The following TOR1AIP2 variants were observed in gnomAD, a reference collection of about 807,000 sequenced individuals.
TOR1AIP2 encodes torsin 1A interacting protein 2.
In TOR1AIP2, 20 loss-of-function variants were observed where a neutral mutation model predicts 32.6. The ratio of observed to expected loss-of-function variants is 0.61; its 90% CI spans 0.43 to 0.89. The LOEUF (loss-of-function observed/expected upper bound fraction) is 0.89. TOR1AIP2 is among the 40% of genes least tolerant of loss of function. TOR1AIP2 has a pLI of 0.00. For missense variants in TOR1AIP2, 456 were observed against 553.8 expected (o/e 0.82, Z 1.77); for synonymous variants, 214 against 210.8 (o/e 1.02, Z -0.13).
rs1252136885 is a variant in TOR1AIP2 at position 179,842,706 on chromosome 1, A to T, written c.*3365T>A. ...AAATAAGCAAATTATCTTTGACAAT[A>T]AAAGACGAATTACTAGACACACAAA... On this transcript the variant is annotated 3_prime_UTR_variant, in exon 7 of 7. Transcript: ENST00000609928. The T allele has an allele frequency of 1.3e-5, 2 of 152,238 alleles. No individual in the cohort carries two copies. Among genetic ancestry groups the T allele is most frequent in the Non-Finnish European group, 2.9e-5 (2 of 68,048 alleles). The allele number at this position is 152,238 out of a possible 1,614,324, so 9.4% of individuals were successfully genotyped here.
chr1:179,877,764 A>C lies in TOR1AIP2; in HGVS notation c.-772T>G, dbSNP rs980990138. 6.6e-6 allele frequency: 1 copy of C among 152,194 alleles called. No individual in the cohort carries two copies. The highest frequency in any genetic ancestry group is 2.4e-5 in the African/African-American group (1 of 41,444). 9.4% of individuals were successfully genotyped at this position (152,194 alleles called of 1,614,324 possible). ...GCCCTTCGAGTATTCTCTCCGCTCC[A>C]CACCGCTCGGCTGCACCCAGCGGCC... On this transcript the variant is annotated 5_prime_UTR_variant, in exon 1 of 7. Transcript: ENST00000609928.
At chr1:179,863,319 T>C (rs1696631012) in intron 3 of TOR1AIP2, 2 of 984,894 alleles carry the variant, frequency 2.0e-6, no homozygotes, top group Non-Finnish European at 1.2e-6. Context: ...TTGCCAAGGT[T>C]TCCCAGGCTC....
intron 3 of TOR1AIP2, among the ~76,000 whole-genome samples, chr1:179,855,063 G>C (rs1417909713): frequency 6.6e-6 from 1 of 152,052 alleles, no homozygotes; most frequent in Admixed American, 6.6e-5. Flanking sequence ...TTCAAATAGG[G>C]GGAAAAATTA....
intron 2 of TOR1AIP2, chr1:179,869,104 A>G (rs1421516436): frequency 6.6e-6 from 1 of 151,902 alleles, no homozygotes; most frequent in African/African-American, 2.4e-5. Context: ...AGCCTCCCAA[A>G]GTGCTGGTAT....
At chr1:179,876,423 T>TA (rs1647309305) in intron 2 of TOR1AIP2, among the ~76,000 whole-genome samples, 1 of 152,132 alleles carries the variant, frequency 6.6e-6, no homozygotes, top group African/African-American at 2.4e-5. Flanking sequence ...CAAGGTTGCG[T>TA]AACAAACCAG....
At chr1:179,862,237 C>T in intron 3 of TOR1AIP2, 1 of 981,302 alleles carries the variant, frequency 1.0e-6, no homozygotes, top group Non-Finnish European at 1.2e-6. Flanking sequence ...TTTAAATTTT[C>T]ACATTTGTAG....
At chr1:179,861,205 A>G in intron 3 of TOR1AIP2, 1 of 985,460 alleles carries the variant, frequency 1.0e-6, no homozygotes, top group Non-Finnish European at 1.2e-6. Context: ...CACTATTTAA[A>G]ACACTGGATA....
Position 179,850,873 on chromosome 1 carries a change from A to G in TOR1AIP2, c.525T>C (p.Asp175=). ...GGGCCAGCAGTCGCCTCCTCAGTGTATCCTCACCCTCTTGCCCTGCACTGG... is the reference window on the plus strand; with the variant it reads ...GGGCCAGCAGTCGCCTCCTCAGTGTGTCCTCACCCTCTTGCCCTGCACTGG... ...GHSSAGQEGE[D]TLRRRLLAPE... is the part of the protein sequence containing the mutation. The change falls in exon 5 of 7, where the codon GAT becomes GAC. Residue 175 remains aspartate (D), a synonymous_variant. Coordinates refer to ENST00000609928, the MANE Select transcript of TOR1AIP2 (RefSeq NM_001199260.2). 6.2e-7 allele frequency: 1 copy of G among 1,613,990 alleles called. No individual in the cohort carries two copies. The highest frequency in any genetic ancestry group is 1.1e-5 in the South Asian group (1 of 91,080).
chr1:179,846,103 T>C lies in TOR1AIP2; in HGVS notation c.1381A>G (p.Ser461Gly). 1 of 1,614,234 alleles carries C rather than the reference T, an allele frequency of 6.2e-7. No homozygotes were observed. The highest frequency in any genetic ancestry group is 8.5e-7 in the Non-Finnish European group (1 of 1,180,032). The change falls in exon 7 of 7, where the codon AGT (serine) becomes GGT (glycine). Residue 461 changes from serine (S) to glycine (G), a missense_variant. Coordinates refer to ENST00000609928, the MANE Select transcript of TOR1AIP2 (RefSeq NM_001199260.2). ...AGGCACCCCTGTTCTTCTATGCTAC[T>C]CACTGGCTGGACTGGCAGTACCAGG... ...SHLVLPVQPV[S>G]SIEEQGCLF is the part of the protein sequence containing the mutation.
chr1:179,851,263 A>C lies in TOR1AIP2; in HGVS notation c.135T>G (p.Ser45=), dbSNP rs199661598. ...GGTGGTCTTTGCTAAGACCACAGGC[A>C]GAGTGTAGGATCTCAGCTTCTTCAG... ...SNAEEAEILH[S]ACGLSKDHQE... The change falls in exon 5 of 7, where the codon TCT becomes TCG. Residue 45 remains serine, a synonymous_variant. Transcript: ENST00000609928. 1.0e-4 allele frequency: 165 copies of C among 1,612,308 alleles called. No individual in the cohort carries two copies. In the East Asian group the frequency reaches 1.4e-3, roughly 14 times the overall value.
rs993307715 is a variant in TOR1AIP2, at chr1:179,851,300, A to G, written c.98T>C (p.Ile33Thr). 1 of 1,607,142 alleles carries G rather than the reference A, an allele frequency of 6.2e-7. No homozygotes were observed. Among genetic ancestry groups the G allele is most frequent in the Middle Eastern group, 1.7e-4 (1 of 6,050 alleles). The change falls in exon 5 of 7, where the codon ATA becomes ACA. Residue 33 changes from isoleucine to threonine, a missense_variant. By Grantham distance (89) the Ile-to-Thr change is moderately conservative. Coordinates refer to ENST00000609928, the MANE Select transcript of TOR1AIP2 (RefSeq NM_001199260.2). ...VNSQAQETTI[I>T]ASNAEEAEIL... ...CTCAGCTTCTTCAGCATTACTTGCT[A>G]TGATTGTGGTCTCCTGCGCCTGAGA...
intron 3 of TOR1AIP2, chr1:179,862,195 AAAAC>A: frequency 1.0e-6 from 1 of 984,140 alleles, no homozygotes; most frequent in Non-Finnish European, 1.2e-6. Flanking sequence ...GACTAAAACA[AAAAC>A]AAAAACCTTT....
In TOR1AIP2 at chr1:179,865,864, A is replaced by G. The variant is rs1349903050; in HGVS notation, c.-565-10T>C. On this transcript the variant is annotated splice_polypyrimidine_tract_variant and intron_variant, in intron 2 of 6. Coordinates refer to ENST00000609928, the MANE Select transcript of TOR1AIP2 (RefSeq NM_001199260.2). ...GGAATGCGTCACATACCTGTAAATG[A>G]TAAAACTTCAGACGACTCATGGGTT... is the stretch of plus-strand genomic sequence containing the variant. 6.6e-6 allele frequency: 1 copy of G among 152,662 alleles called. No homozygotes were observed. The highest frequency in any genetic ancestry group is 1.5e-5 in the Non-Finnish European group (1 of 68,044). 9.5% of individuals were successfully genotyped at this position (152,662 alleles called of 1,614,324 possible).
chr1:179,859,180 A>T, intron 3 of TOR1AIP2: 1 of 985,152 alleles, frequency 1.0e-6, no homozygotes, highest in Non-Finnish European at 1.2e-6. Flanking sequence ...AATAAAGCAT[A>T]TACAACAACT....
chr1:179,866,833 T>G (rs1462248875), intron 2 of TOR1AIP2, among the ~76,000 whole-genome samples: 1 of 152,240 alleles, frequency 6.6e-6, no homozygotes, highest in East Asian at 1.9e-4. Flanking sequence ...TTTGCAGATG[T>G]TATCATCATC....
chr1:179,858,246 T>C (rs1281415), intron 3 of TOR1AIP2, among the ~76,000 whole-genome samples: 15,031 of 152,140 alleles, frequency 0.099, 1,289 homozygotes, highest in African/African-American at 0.23. Context: ...ATTCCATTTT[T>C]TGTCACTACA....
intron 2 of TOR1AIP2, among the ~76,000 whole-genome samples, chr1:179,867,137 C>T (rs185268862): frequency 1.1e-4 from 16 of 152,280 alleles, no homozygotes; most frequent in Non-Finnish European, 1.5e-4. Context: ...AGCTGTGATT[C>T]TCAGATTTTA....
At chr1:179,849,567 ACCTG>A (rs1696039628) in intron 5 of TOR1AIP2, among the ~76,000 whole-genome samples, 1 of 152,166 alleles carries the variant, frequency 6.6e-6, no homozygotes, top group African/African-American at 2.4e-5. Flanking sequence ...CTCACAGTGA[ACCTG>A]CCTAACAGTG....
At chr1:179,855,101 T>C (rs914729036) in intron 3 of TOR1AIP2, among the ~76,000 whole-genome samples, 2 of 152,162 alleles carry the variant, frequency 1.3e-5, no homozygotes, top group Admixed American at 6.5e-5. Context: ...CATATAAAAA[T>C]CAACTCCAGA....
Sources: gnomAD v4.1 joint callset for allele counts (sites outside exome capture counted in the v4.1 genomes callset) on GRCh38, gnomAD v4.1.1 for gene constraint, MANE v1.5 for transcripts, NCBI Gene and HGNC (gene_info 2026-07-23, HGNC 2026-07-21) for gene names.